The following PTPRN2 variants were observed in gnomAD, a reference collection of about 807,000 sequenced individuals.
PTPRN2 encodes the protein receptor-type tyrosine-protein phosphatase N2.
A neutral mutation model predicts 118.8 loss-of-function variants in PTPRN2; 74 were observed. That is an observed-to-expected ratio of 0.62 (90% CI 0.52 to 0.76). PTPRN2 has a LOEUF of 0.76. PTPRN2 is among the 30% of genes least tolerant of loss of function. The pLI, the probability that PTPRN2 is intolerant of heterozygous loss-of-function variation, is 0.00. For synonymous variants in PTPRN2, 641 were observed against 608.0 expected, an observed-to-expected ratio of 1.05 and a Z score of -0.80; for missense variants, 1,481 against 1,394.4, an observed-to-expected ratio of 1.06 and a Z score of -0.99.
chr7:157,715,914 C>T (rs1195235205), intron 12 of PTPRN2, among the ~76,000 whole-genome samples: 1 of 152,216 alleles, frequency 6.6e-6, no homozygotes, highest in East Asian at 1.9e-4. Flanking sequence ...AGGAGCAGGG[C>T]AGCGGGCGGC....
At chr7:157,795,972 G>A (rs1442798268) in intron 12 of PTPRN2, among the ~76,000 whole-genome samples, 1 of 152,230 alleles carries the variant, frequency 6.6e-6, no homozygotes. Flanking sequence ...GGCAGGCGCC[G>A]AGGCGAACTT....
intron 11 of PTPRN2, among the ~76,000 whole-genome samples, chr7:158,053,812 G>A (rs112374765): frequency 1.8e-5 from 2 of 113,378 alleles, no homozygotes; most frequent in African/African-American, 7.3e-5. Flanking sequence ...ACTCCAGAGA[G>A]GCAGAGACCC....
intron 12 of PTPRN2, among the ~76,000 whole-genome samples, chr7:157,786,176 C>G (rs567956277): frequency 5.3e-4 from 80 of 152,348 alleles, no homozygotes; most frequent in African/African-American, 1.9e-3. Flanking sequence ...CCTGCTCACA[C>G]AAACCACACG....
At chr7:157,791,429 T>C (rs558365352) in intron 12 of PTPRN2, among the ~76,000 whole-genome samples, 1 of 152,358 alleles carries the variant, frequency 6.6e-6, no homozygotes, top group African/African-American at 2.4e-5. Context: ...CCGCTGGGCT[T>C]GGCTCTGAGG....
At chr7:158,146,053 T>C (rs181791366) in intron 6 of PTPRN2, among the ~76,000 whole-genome samples, 1 of 118,344 alleles carries the variant, frequency 8.4e-6, no homozygotes, top group South Asian at 2.6e-4. Context: ...ATTTTAGTTT[T>C]CCACTCTTTT....
chr7:158,129,378 AAC>A (rs1315137337), intron 9 of PTPRN2, among the ~76,000 whole-genome samples: 3 of 149,300 alleles, frequency 2.0e-5, no homozygotes, highest in South Asian at 2.1e-4. Flanking sequence ...ACACACAAAC[AAC>A]ACACACCACA....
chr7:157,951,728 G>A (rs899932046), intron 11 of PTPRN2, among the ~76,000 whole-genome samples: 8 of 152,218 alleles, frequency 5.3e-5, no homozygotes, highest in Non-Finnish European at 2.9e-5. Flanking sequence ...CCCTCCTGCC[G>A]GACTGCAACA....
intron 11 of PTPRN2, among the ~76,000 whole-genome samples, chr7:158,071,445 G>GTGCTTGTGGTGGAGA (rs1811612255): frequency 1.7e-5 from 1 of 58,616 alleles, no homozygotes; most frequent in Admixed American, 1.7e-4. Flanking sequence ...GGTGGTGGAG[G>GTGCTTGTGGTGGAGA]TGCTCGTGGT....
chr7:158,380,316 T>C (rs6459873), intron 2 of PTPRN2, among the ~76,000 whole-genome samples: 149,151 of 152,332 alleles, frequency 0.98, 73,037 homozygotes, highest in African/African-American at 0.99. Context: ...AAGTTACTTG[T>C]TTCCTAGACA....
intron 10 of PTPRN2, among the ~76,000 whole-genome samples, chr7:158,102,011 C>A (rs1182516345): frequency 6.6e-6 from 1 of 152,176 alleles, no homozygotes; most frequent in Non-Finnish European, 1.5e-5. Flanking sequence ...TTGCAGCTGA[C>A]CCTGGGGCCC....
chr7:157,923,127 G>A (rs1388287071), intron 11 of PTPRN2, among the ~76,000 whole-genome samples: 1 of 152,192 alleles, frequency 6.6e-6, no homozygotes, highest in Non-Finnish European at 1.5e-5. Context: ...ACATCACTCT[G>A]GGTTTTTTAT....
Position 157,690,142 on chromosome 7 carries a change from G to A in PTPRN2, c.1789-7205C>T, listed in dbSNP as rs561880820. On this transcript the variant is annotated intron_variant, in intron 12 of 22. Transcript: ENST00000389418. The surrounding 1 kb of genome is among the most constrained non-coding windows in gnomAD (Gnocchi z 7.1). ...AGTCCCGGAGGTCCTAGACTCCTTG[G>A]GGCGGTCTCTGCGGGGCGCTGGGCC... is the stretch of plus-strand genomic sequence containing the variant. 2.7e-3 allele frequency among the ~76,000 whole-genome samples: 405 copies of A among 152,308 alleles called. 2 individuals are homozygous for A. The highest frequency in any genetic ancestry group is 9.3e-3 in the African/African-American group (387 of 41,584).
intron 1 of PTPRN2, among the ~76,000 whole-genome samples, chr7:158,520,906 A>G (rs1183687813): frequency 6.6e-6 from 1 of 152,170 alleles, no homozygotes; most frequent in East Asian, 1.9e-4. Context: ...GAGGATACAC[A>G]TGGATACGCT....
Position 157,587,623 on chromosome 7 carries a change from A to G in PTPRN2, c.2496+7615T>C, listed in dbSNP as rs1800752537. Among the ~76,000 whole-genome samples the G allele has an allele frequency of 6.6e-6, 1 of 152,248 alleles. No homozygotes were observed. Among genetic ancestry groups the G allele is most frequent in the South Asian group, 2.1e-4 (1 of 4,834 alleles). On this transcript the variant is annotated intron_variant, in intron 17 of 22. Coordinates refer to ENST00000389418, the MANE Select transcript of PTPRN2 (RefSeq NM_002847.5). The surrounding 1 kb of genome is among the most constrained non-coding windows in gnomAD (Gnocchi z 5.3). Reference sequence around the variant, plus strand: ...GAAAGTGCACCTTTTTCTTGGTAAAATGTTGATGTGCAATAAGAGTCAACA... The same window carrying G: ...GAAAGTGCACCTTTTTCTTGGTAAAGTGTTGATGTGCAATAAGAGTCAACA...
chr7:158,430,003 G>C (rs1316954403), intron 2 of PTPRN2, among the ~76,000 whole-genome samples: 3 of 152,150 alleles, frequency 2.0e-5, no homozygotes, highest in Non-Finnish European at 4.4e-5. Flanking sequence ...TGCCTCCTGG[G>C]TTTAAGCAAT....
intron 3 of PTPRN2, among the ~76,000 whole-genome samples, chr7:158,269,903 CATAGAG>C (rs1331656586): frequency 0.011 from 1,400 of 125,442 alleles, 21 homozygotes; most frequent in African/African-American, 0.035. Flanking sequence ...GAGACAGAGA[CATAGAG>C]ACAGAGAAAC....
chr7:158,471,164 T>C lies in PTPRN2; in HGVS notation c.163+18571A>G, dbSNP rs59531706. The stretch of plus-strand genomic sequence containing the variant: ...TGGTGAGAAGCTGAGCAAAGCTTCC[T>C]CCTCTCTGAAGGACAATAGGAAAAG... On this transcript the variant is annotated intron_variant, in intron 2 of 22. Coordinates refer to ENST00000389418, the MANE Select transcript of PTPRN2 (RefSeq NM_002847.5). 6.5e-3 allele frequency among the ~76,000 whole-genome samples: 990 copies of C among 152,272 alleles called. 12 individuals carry two copies. Among genetic ancestry groups the C allele is most frequent in the African/African-American group, 0.023 (940 of 41,544 alleles).
rs114866156 is a variant in PTPRN2 at position 157,547,901 on chromosome 7, G to A, written c.2976+1045C>T. Among the ~76,000 whole-genome samples the A allele has an allele frequency of 2.6e-3, 400 of 151,416 alleles. 3 individuals are homozygous for A. Among genetic ancestry groups the A allele is most frequent in the Non-Finnish European group, 4.0e-3 (269 of 68,032 alleles). On this transcript the variant is annotated intron_variant, in intron 22 of 22. Transcript: ENST00000389418. ...CAGCAGAGGAACCATGATGCCCCTC[G>A]CGTGGCCGCCCTGGGCGTGTCCTGC...
chr7:158,422,684 G>A (rs560053139), intron 2 of PTPRN2, among the ~76,000 whole-genome samples: 3 of 151,120 alleles, frequency 2.0e-5, no homozygotes, highest in East Asian at 3.9e-4. Flanking sequence ...TGACGCTGCC[G>A]GCTTCTGGGG....
Sources: allele counts gnomAD v4.1 joint callset (sites outside exome capture counted in the v4.1 genomes callset), GRCh38; gene constraint gnomAD v4.1.1; non-coding constraint Gnocchi (gnomAD v3.1); transcripts MANE v1.5; gene names NCBI Gene and HGNC (gene_info 2026-07-23, HGNC 2026-07-21).